The following MYH10 variants were observed in gnomAD, a reference collection of about 807,000 sequenced individuals.
The protein encoded by MYH10 is myosin-10.
A neutral mutation model predicts 257.8 loss-of-function variants in MYH10; 55 were observed. That is an observed-to-expected ratio of 0.21 (90% CI 0.17 to 0.27). The LOEUF (loss-of-function observed/expected upper bound fraction) is 0.27. Ranked by LOEUF, MYH10 falls within the 10% of genes least tolerant of loss-of-function variation. MYH10 has a pLI of 1.00. For missense variants in MYH10, 1,631 were observed against 2,500.6 expected (o/e 0.65, Z 7.42); for synonymous variants, 854 against 921.7 (o/e 0.93, Z 1.33).
In MYH10 at chr17:8,551,161, TA is replaced by T. The variant is rs1380112695; in HGVS notation, c.919+884del. ...ATAAAAAATAAATAAATAATAAATT[TA>T]AAAAAAAAAAAAAAGAATTTACTCC... On this transcript the variant is annotated intron_variant, in intron 9 of 42. Coordinates refer to ENST00000360416, the MANE Select transcript of MYH10 (RefSeq NM_001256012.3). 4.1e-3 allele frequency among the ~76,000 whole-genome samples: 311 copies of T among 75,870 alleles called. 4 individuals carry two copies. The highest frequency in any genetic ancestry group is 0.015 in the African/African-American group (290 of 19,182). The allele number at this position is 75,870 out of a possible 152,430, so 49.8% of individuals were successfully genotyped here.
At chr17:8,534,610 A>T (rs547980230) in intron 16 of MYH10, among the ~76,000 whole-genome samples, 3 of 152,274 alleles carry the variant, frequency 2.0e-5, no homozygotes, top group African/African-American at 7.2e-5. Flanking sequence ...AAGGCTTAAG[A>T]TGCTACAGAG....
At chr17:8,585,031 C>T (rs949559145) in intron 4 of MYH10, among the ~76,000 whole-genome samples, 2 of 151,646 alleles carry the variant, frequency 1.3e-5, no homozygotes, top group Admixed American at 6.6e-5. Context: ...TTAGTAGAGA[C>T]GGGGTTTCTC....
chr17:8,512,722 G>A lies in MYH10; in HGVS notation c.2746-65C>T, dbSNP rs768256802. 2.0e-5 allele frequency: 27 copies of A among 1,340,998 alleles called. No homozygotes were observed. The Admixed American group carries it at 2.2e-4, about 11-fold the overall frequency. 83.1% of individuals were successfully genotyped at this position (1,340,998 alleles called of 1,614,324 possible). ...CATACGTACACAGTATATATTCGCC[G>A]TGATTTCAATGGTCAATGCACATCA... On this transcript the variant is annotated intron_variant, in intron 23 of 42. Coordinates refer to ENST00000360416, the MANE Select transcript of MYH10 (RefSeq NM_001256012.3).
intron 17 of MYH10, among the ~76,000 whole-genome samples, chr17:8,527,430 C>T (rs1423531280): frequency 6.6e-6 from 1 of 152,220 alleles, no homozygotes; most frequent in East Asian, 1.9e-4. Context: ...CCCCTCTTTG[C>T]CTACAGCTTC....
intron 17 of MYH10, among the ~76,000 whole-genome samples, chr17:8,527,847 T>C (rs949538103): frequency 4.6e-5 from 7 of 152,156 alleles, no homozygotes; most frequent in African/African-American, 1.7e-4. Context: ...TTGCTAACAC[T>C]CAAGATCAAA....
Position 8,500,951 on chromosome 17 carries a change from C to T in MYH10, c.3619G>A (p.Val1207Met). The T allele has an allele frequency of 6.2e-7, 1 of 1,614,020 alleles. No homozygotes were observed. Among genetic ancestry groups the T allele is most frequent in the Non-Finnish European group, 8.5e-7 (1 of 1,179,990 alleles). Reference protein sequence around the residue: ...QELRTKREQEVAELKKALEEE... With the variant: ...QELRTKREQEMAELKKALEEE... ...TCAAGAGCTTTCTTCAGCTCTGCCA[C>T]TTCTTGTTCACGTTTTGTACTAGAG... Residue 1207 changes from valine (V) to methionine (M), a missense_variant, in exon 29 of 43, where the codon GTG becomes ATG. Around this residue, in one of 11 missense-constraint regions of MYH10, gnomAD observed 463 missense variants for 621.8 expected, o/e 0.74. Coordinates refer to ENST00000360416, the MANE Select transcript of MYH10 (RefSeq NM_001256012.3).
At chr17:8,598,011 C>T (rs451628) in intron 3 of MYH10, among the ~76,000 whole-genome samples, 147,571 of 152,122 alleles carry the variant, frequency 0.97, 71,751 homozygotes, top group Middle Eastern at 1. Context: ...GACGGAGTCT[C>T]CCTCTGTCAC....
intron 29 of MYH10, among the ~76,000 whole-genome samples, 156 bp downstream of exon 29, chr17:8,500,670 C>A (rs1314857335): frequency 1.3e-5 from 2 of 152,192 alleles, no homozygotes; most frequent in Non-Finnish European, 2.9e-5. Flanking sequence ...GAAAGCCGCT[C>A]CTGTCTTGGC....
intron 4 of MYH10, 36 bp from the exon 5 acceptor site, chr17:8,577,374 A>G: frequency 7.1e-7 from 1 of 1,413,084 alleles, no homozygotes; most frequent in Non-Finnish European, 9.9e-7. Flanking sequence ...GCTTTAACGA[A>G]AGCACAGCAC....
intron 32 of MYH10, among the ~76,000 whole-genome samples, chr17:8,493,499 A>T (rs1916092086): frequency 6.6e-6 from 1 of 152,254 alleles, no homozygotes. Context: ...AGTCCATAAA[A>T]TGATGACTGG....
intron 35 of MYH10, among the ~76,000 whole-genome samples, 169 bp from the exon 36 acceptor site, chr17:8,487,763 C>T (rs2151803376): frequency 6.6e-6 from 1 of 152,136 alleles, no homozygotes; most frequent in East Asian, 1.9e-4. Context: ...ACCACAGTAG[C>T]TGAATTTTGT....
chr17:8,553,954 C>T lies in MYH10; in HGVS notation c.820+1G>A, dbSNP rs186853763. ...GATTATACATTTATGAAAAAGGATA[C>T]ATGTTTCAATGTTGGCCCCAACGAT... On this transcript the variant is annotated splice_donor_variant, in intron 8 of 42. Coordinates refer to ENST00000360416, the MANE Select transcript of MYH10 (RefSeq NM_001256012.3). LOFTEE classifies it high-confidence loss of function. 6.8e-6 allele frequency: 11 copies of T among 1,610,440 alleles called. No homozygotes were observed. Among genetic ancestry groups the T allele is most frequent in the Non-Finnish European group, 9.3e-6 (11 of 1,177,046 alleles).
chr17:8,601,923 G>A (rs1040281258), intron 3 of MYH10, among the ~76,000 whole-genome samples: 2 of 151,714 alleles, frequency 1.3e-5, no homozygotes, highest in African/African-American at 4.8e-5. Flanking sequence ...AAAAGTTTGT[G>A]CATGATATGA....
In MYH10 at chr17:8,572,261, T is replaced by TGTGA. The variant is rs1312873535; in HGVS notation, c.664-2450_664-2449insTCAC. ...GTGTGTGTGTGTGTGTGTGTGTGAG[T>TGTGA]GAGAGAGAGAGAGAGAGAGAGAGAG... On this transcript the variant is annotated intron_variant, in intron 6 of 42. Coordinates refer to ENST00000360416, the MANE Select transcript of MYH10 (RefSeq NM_001256012.3). 1.6e-3 allele frequency among the ~76,000 whole-genome samples: 237 copies of TGTGA among 147,404 alleles called. 2 individuals carry two copies. Among genetic ancestry groups the TGTGA allele is most frequent in the African/African-American group, 5.7e-3 (222 of 39,152 alleles).
At chr17:8,571,372 C>T (rs1008744025) in intron 6 of MYH10, among the ~76,000 whole-genome samples, 4 of 150,352 alleles carry the variant, frequency 2.7e-5, no homozygotes, top group African/African-American at 9.8e-5. Context: ...GACGGGGTTT[C>T]ACCATGTTAG....
Position 8,506,522 on chromosome 17 carries a change from C to G in MYH10, c.3215-33G>C, listed in dbSNP as rs781589217. On this transcript the variant is annotated intron_variant, in intron 26 of 42. Coordinates refer to ENST00000360416, the MANE Select transcript of MYH10 (RefSeq NM_001256012.3). The surrounding 1 kb of genome is among the most constrained non-coding windows in gnomAD (Gnocchi z 5.0). Reference sequence around the variant, plus strand: ...GTAAGACATAAGAAGCTCTTCAACACACCGAGTGACTCACCACAGGAATAA... The same window carrying G: ...GTAAGACATAAGAAGCTCTTCAACAGACCGAGTGACTCACCACAGGAATAA... The G allele has an allele frequency of 6.3e-7, 1 of 1,589,352 alleles. No homozygotes were observed. Among genetic ancestry groups the G allele is most frequent in the Non-Finnish European group, 8.5e-7 (1 of 1,171,472 alleles).
At chr17:8,623,873 A>G (rs1057279886) in intron 1 of MYH10, among the ~76,000 whole-genome samples, 8 of 152,166 alleles carry the variant, frequency 5.3e-5, no homozygotes, top group Admixed American at 1.3e-4. Flanking sequence ...CACAAAAGAC[A>G]AGCATAACTT....
At chr17:8,554,130 C>T (rs1367182839) in intron 7 of MYH10, 112 bp from the exon 8 acceptor site, 2 of 684,504 alleles carry the variant, frequency 2.9e-6, no homozygotes, top group Non-Finnish European at 5.0e-6. Flanking sequence ...AATAATGGAT[C>T]TTATATATTG....
chr17:8,537,429 C>T (rs893075249), intron 14 of MYH10, among the ~76,000 whole-genome samples: 5 of 152,252 alleles, frequency 3.3e-5, no homozygotes, highest in African/African-American at 7.2e-5. Flanking sequence ...TGAATGCCAG[C>T]GGGTGGAAGC....
Sources: gnomAD v4.1 joint callset for allele counts (sites outside exome capture counted in the v4.1 genomes callset) on GRCh38, gnomAD v4.1.1 for gene constraint, gnomAD v4.1.1 regional missense constraint, Gnocchi (gnomAD v3.1) non-coding constraint, MANE v1.5 for transcripts, NCBI Gene and HGNC (gene_info 2026-07-23, HGNC 2026-07-21) for gene names.